The following ERI3 variants were observed in gnomAD, a reference collection of about 807,000 sequenced individuals.
ERI3 encodes the protein ERI1 exoribonuclease 3.
A neutral mutation model predicts 44.4 loss-of-function variants in ERI3; 18 were observed. The observed-to-expected ratio is 0.41, with a 90% CI of 0.28 to 0.60. The LOEUF is 0.60. Among genes scored for constraint, ERI3 ranks in the 20% least tolerant of loss-of-function variants. The probability of loss-of-function intolerance (pLI) is 0.36; values close to 1 mark genes in which losing one functional copy is unlikely to be tolerated. For missense variants in ERI3, 294 were observed against 435.5 expected (o/e 0.68, Z 2.89); for synonymous variants, 183 against 164.8 (o/e 1.11, Z -0.84).
chr1:44,300,021 A>G (rs1645690670), intron 6 of ERI3, among the ~76,000 whole-genome samples: 1 of 152,178 alleles, frequency 6.6e-6, no homozygotes, highest in Non-Finnish European at 1.5e-5. Context: ...CTCAGAACAT[A>G]CAGCCCCTCC....
chr1:44,329,598 TCA>T (rs1646387142), intron 3 of ERI3, among the ~76,000 whole-genome samples: 1 of 152,226 alleles, frequency 6.6e-6, no homozygotes. Flanking sequence ...CTCAGTTTTA[TCA>T]CACTTTTAGA....
chr1:44,229,969 C>A (rs1161955450), intron 8 of ERI3, among the ~76,000 whole-genome samples: 2 of 152,146 alleles, frequency 1.3e-5, no homozygotes, highest in Admixed American at 6.5e-5. Context: ...AGAGCCCCAG[C>A]CCCATGGACC....
At chr1:44,323,516 G>A (rs1646245832) in intron 3 of ERI3, among the ~76,000 whole-genome samples, 1 of 152,202 alleles carries the variant, frequency 6.6e-6, no homozygotes, top group Non-Finnish European at 1.5e-5. Context: ...TCACCAGGCA[G>A]GGGCTGGCTG....
At chr1:44,322,084 G>C (rs1048038062) in intron 3 of ERI3, among the ~76,000 whole-genome samples, 1 of 151,946 alleles carries the variant, frequency 6.6e-6, no homozygotes, top group African/African-American at 2.4e-5. Context: ...ACAAGCACAT[G>C]GTTTGTTTTA....
intron 3 of ERI3, among the ~76,000 whole-genome samples, chr1:44,322,442 G>A (rs1442010125): frequency 1.3e-5 from 2 of 151,040 alleles, no homozygotes; most frequent in African/African-American, 2.4e-5. Context: ...CTACACCCAA[G>A]GCTCAGGACA....
At chr1:44,287,063 C>A (rs1298049153) in intron 6 of ERI3, among the ~76,000 whole-genome samples, 5 of 152,146 alleles carry the variant, frequency 3.3e-5, no homozygotes, top group African/African-American at 1.2e-4. Context: ...AGCATGCTTC[C>A]CCTTTCTGCA....
At chr1:44,259,689 G>GACACACAGACACACAC (rs1553185530) in intron 7 of ERI3, among the ~76,000 whole-genome samples, 2 of 140,282 alleles carry the variant, frequency 1.4e-5, no homozygotes, top group Non-Finnish European at 3.0e-5. Context: ...AAAACACACA[G>GACACACAGACACACAC]ACACACACAC....
chr1:44,345,512 C>T (rs900255088), intron 2 of ERI3, among the ~76,000 whole-genome samples: 2 of 152,208 alleles, frequency 1.3e-5, no homozygotes, highest in Non-Finnish European at 2.9e-5. Flanking sequence ...ATCATAGCTT[C>T]CTCAGTTCTC....
chr1:44,301,722 C>T (rs931448947), intron 6 of ERI3, among the ~76,000 whole-genome samples: 4 of 152,216 alleles, frequency 2.6e-5, no homozygotes, highest in Non-Finnish European at 5.9e-5. Context: ...CTACCCTGAC[C>T]CACCCACTCC....
chr1:44,334,651 CAAAT>C (rs1230684692), intron 3 of ERI3, among the ~76,000 whole-genome samples: 2 of 152,198 alleles, frequency 1.3e-5, no homozygotes, highest in African/African-American at 2.4e-5. Context: ...ACATGTAACA[CAAAT>C]AAAATGAGTG....
chr1:44,280,124 C>T (rs79385498), intron 7 of ERI3, among the ~76,000 whole-genome samples: 1,847 of 152,300 alleles, frequency 0.012, 70 homozygotes, highest in East Asian at 0.069. Context: ...CCTTCTCATG[C>T]CCATTTCTAT....
intron 8 of ERI3, among the ~76,000 whole-genome samples, chr1:44,232,265 CAA>C (rs1644202849): frequency 6.6e-6 from 1 of 152,152 alleles, no homozygotes; most frequent in Non-Finnish European, 1.5e-5. Flanking sequence ...GGCCGAAGGA[CAA>C]AGAGGACGCT....
chr1:44,310,146 A>G (rs1184578710), intron 5 of ERI3, among the ~76,000 whole-genome samples: 3 of 152,212 alleles, frequency 2.0e-5, no homozygotes, highest in Non-Finnish European at 4.4e-5. Context: ...TCATCATAAT[A>G]CAATAGATCC....
At chr1:44,351,938 A>G (rs1646899349) in intron 2 of ERI3, among the ~76,000 whole-genome samples, 1 of 151,956 alleles carries the variant, frequency 6.6e-6, no homozygotes, top group East Asian at 1.9e-4. Context: ...TGGGTTAGAG[A>G]CCTTTCTGAG....
At chr1:44,330,235 G>A (rs1402494539) in intron 3 of ERI3, among the ~76,000 whole-genome samples, 4 of 152,096 alleles carry the variant, frequency 2.6e-5, no homozygotes, top group South Asian at 2.1e-4. Flanking sequence ...TTTCAGCAAC[G>A]TCGGCATCTC....
intron 8 of ERI3, among the ~76,000 whole-genome samples, chr1:44,246,508 G>A (rs1463823271): frequency 2.0e-5 from 3 of 152,194 alleles, no homozygotes; most frequent in Non-Finnish European, 4.4e-5. Flanking sequence ...AGGCCTGTTG[G>A]TCACTTCCTC....
intron 5 of ERI3, 137 bp from the exon 6 acceptor site, chr1:44,308,538 C>T (rs2154327625): frequency 1.3e-6 from 1 of 742,410 alleles, no homozygotes; most frequent in East Asian, 2.5e-5. Flanking sequence ...CATGGCTCCA[C>T]TGTGGGCTCT....
At chr1:44,352,116 T>C (rs369571740) in intron 2 of ERI3, among the ~76,000 whole-genome samples, 3 of 152,196 alleles carry the variant, frequency 2.0e-5, no homozygotes, top group African/African-American at 4.8e-5. Flanking sequence ...GCCTGGCCCT[T>C]AGCTATTGAA....
intron 8 of ERI3, among the ~76,000 whole-genome samples, chr1:44,233,315 C>A (rs2154316249): frequency 6.6e-6 from 1 of 152,230 alleles, no homozygotes; most frequent in Admixed American, 6.5e-5. Flanking sequence ...TTATCTCCTA[C>A]TCCACAGGAG....
Sources: allele counts gnomAD v4.1 joint callset (sites outside exome capture counted in the v4.1 genomes callset), GRCh38; gene constraint gnomAD v4.1.1; transcripts MANE v1.5; gene names NCBI Gene and HGNC (gene_info 2026-07-23, HGNC 2026-07-21).